The following TLK1 variants were observed in gnomAD, a reference collection of about 807,000 sequenced individuals.
The protein encoded by TLK1 is serine/threonine-protein kinase tousled-like 1.
Under a neutral mutation model 105.3 loss-of-function variants are expected in TLK1, and 24 were observed. The ratio of observed to expected loss-of-function variants is 0.23; its 90% CI spans 0.17 to 0.32. TLK1 has a LOEUF of 0.32. Among genes scored for constraint, TLK1 ranks in the 10% least tolerant of loss-of-function variants. TLK1 has a pLI of 1.00. For missense variants in TLK1, 558 were observed against 910.5 expected (o/e 0.61, Z 4.98); for synonymous variants, 321 against 310.4 (o/e 1.03, Z -0.36).
chr2:171,125,564 G>T (rs1325390370), intron 1 of TLK1, among the ~76,000 whole-genome samples: 1 of 152,080 alleles, frequency 6.6e-6, no homozygotes, highest in Non-Finnish European at 1.5e-5. Flanking sequence ...GAAATTTGTG[G>T]TACACCAAAC....
intron 10 of TLK1, 126 bp downstream of exon 10, chr2:171,049,688 A>C (rs1225383596): frequency 1.7e-6 from 2 of 1,162,292 alleles, no homozygotes; most frequent in East Asian, 5.0e-5. Flanking sequence ...TCCCTTTCAA[A>C]GGTACTAAAT....
chr2:171,055,403 C>T (rs1687453516), intron 6 of TLK1, among the ~76,000 whole-genome samples: 1 of 151,676 alleles, frequency 6.6e-6, no homozygotes, highest in Non-Finnish European at 1.5e-5. Context: ...ACAATATATT[C>T]CCTGCCCTCA....
rs143684570 is a variant in TLK1, at chr2:171,160,841, A to AGGCGGCGGC, written c.-422_-414dup. 1.2e-5 allele frequency: 4 copies of AGGCGGCGGC among 321,740 alleles called. No individual in the cohort carries two copies. In the Admixed American group the frequency reaches 1.5e-4, roughly 12 times the overall value. 19.9% of individuals were successfully genotyped at this position (321,740 alleles called of 1,614,324 possible). ...GCGTCGGCCCCCGGCGTCGCCCGGG[A>AGGCGGCGGC]GGCGGCGGCGGCGGGCTGTGGGTGG... On this transcript the variant is annotated 5_prime_UTR_variant, in exon 1 of 21. Coordinates refer to ENST00000431350, the MANE Select transcript of TLK1 (RefSeq NM_012290.5). This position sits in a 1 kb window ranked among gnomAD's most constrained non-coding sequence, Gnocchi z 4.4.
chr2:171,013,986 C>T (rs17216780), intron 13 of TLK1, among the ~76,000 whole-genome samples: 4,587 of 152,324 alleles, frequency 0.03, 91 homozygotes, highest in Admixed American at 0.049. Flanking sequence ...TCAACATATA[C>T]TATCTATGGC....
At chr2:171,007,541 CGTT>C (rs1320201367) in intron 14 of TLK1, among the ~76,000 whole-genome samples, 1 of 151,866 alleles carries the variant, frequency 6.6e-6, no homozygotes, top group Non-Finnish European at 1.5e-5. Context: ...GAAAAAAACT[CGTT>C]ATTATAAAAC....
At chr2:171,025,840 C>T (rs183468645) in intron 12 of TLK1, among the ~76,000 whole-genome samples, 2 of 152,236 alleles carry the variant, frequency 1.3e-5, no homozygotes, top group East Asian at 1.9e-4. Flanking sequence ...AATTAATACT[C>T]GGTTCTAAGC....
intron 1 of TLK1, among the ~76,000 whole-genome samples, chr2:171,215,566 G>C (rs1453575083): frequency 6.6e-6 from 1 of 152,176 alleles, no homozygotes; most frequent in Non-Finnish European, 1.5e-5. Context: ...ATTTTAAGTT[G>C]AAATCCAAAA....
intron 13 of TLK1, among the ~76,000 whole-genome samples, chr2:171,011,853 T>C (rs1275622205): frequency 1.3e-5 from 2 of 152,210 alleles, no homozygotes; most frequent in African/African-American, 4.8e-5. Context: ...TGATTAAACA[T>C]AATTATAAAC....
chr2:171,214,986 G>A (rs1164916170), intron 1 of TLK1, among the ~76,000 whole-genome samples: 3 of 151,824 alleles, frequency 2.0e-5, no homozygotes, highest in African/African-American at 7.3e-5. Context: ...TGTCTCCCAG[G>A]CTGGTGTATA....
chr2:171,222,474 G>T, intron 1 of TLK1, among the ~76,000 whole-genome samples: 1 of 152,060 alleles, frequency 6.6e-6, no homozygotes, highest in East Asian at 1.9e-4. Flanking sequence ...AGAACCAAAG[G>T]CGCACATCAC....
intron 1 of TLK1, among the ~76,000 whole-genome samples, chr2:171,225,563 G>T (rs1284973930): frequency 6.6e-6 from 1 of 152,088 alleles, no homozygotes; most frequent in Admixed American, 6.5e-5. Context: ...CAGTCTTGTA[G>T]TTCTTTAAAA....
At chr2:171,131,562 A>T (rs13403285) in intron 1 of TLK1, among the ~76,000 whole-genome samples, 59,975 of 152,018 alleles carry the variant, frequency 0.39, 13,347 homozygotes, top group African/African-American at 0.58. Flanking sequence ...GACTTCTTTC[A>T]ATTATTATAT....
At chr2:171,066,394 A>C (rs1204564201) in intron 3 of TLK1, among the ~76,000 whole-genome samples, 1 of 152,184 alleles carries the variant, frequency 6.6e-6, no homozygotes, top group Non-Finnish European at 1.5e-5. Context: ...GTAGAACACC[A>C]GTAAGAAGAA....
At chr2:171,148,559 T>C (rs1357109347) in intron 1 of TLK1, among the ~76,000 whole-genome samples, 1 of 152,086 alleles carries the variant, frequency 6.6e-6, no homozygotes, top group Non-Finnish European at 1.5e-5. Context: ...TGTTTCCATA[T>C]TGCACAGTTT....
chr2:171,144,757 C>T (rs1344872615), intron 1 of TLK1, among the ~76,000 whole-genome samples: 1 of 151,942 alleles, frequency 6.6e-6, no homozygotes, highest in Non-Finnish European at 1.5e-5. Flanking sequence ...TAAGAAAAGG[C>T]TTCTTAAATA....
rs937365906 is a variant in TLK1 at position 171,160,736 on chromosome 2, G to C, written c.-308C>G. On this transcript the variant is annotated 5_prime_UTR_variant, in exon 1 of 21. Transcript: ENST00000431350. The surrounding 1 kb of genome is among the most constrained non-coding windows in gnomAD (Gnocchi z 4.4). ...GCGTCGAGGGGGTGCCAGCCGGGCC[G>C]GGGTCGGAGCGCGGGCGGAGCGCGG... 4 of 448,212 alleles carry C rather than the reference G, an allele frequency of 8.9e-6. No homozygotes were observed. Among genetic ancestry groups the C allele is most frequent in the African/African-American group, 2.1e-5 (1 of 48,632 alleles). The allele number at this position is 448,212 out of a possible 1,614,324, so 27.8% of individuals were successfully genotyped here.
At chr2:171,192,701 AT>A (rs912650287) in intron 1 of TLK1, among the ~76,000 whole-genome samples, 6 of 152,152 alleles carry the variant, frequency 3.9e-5, no homozygotes, top group African/African-American at 1.4e-4. Context: ...AATAAAAAAA[AT>A]AAAGAAGAAG....
chr2:171,031,302 T>C (rs1334157649), intron 11 of TLK1, among the ~76,000 whole-genome samples: 1 of 152,224 alleles, frequency 6.6e-6, no homozygotes, highest in Admixed American at 6.5e-5. Context: ...AAGAAATCTA[T>C]GTATTTAGAT....
intron 2 of TLK1, among the ~76,000 whole-genome samples, chr2:171,102,662 T>C (rs149998008): frequency 1.9e-4 from 29 of 152,346 alleles, no homozygotes; most frequent in African/African-American, 7.0e-4. Context: ...ATATAAAAAT[T>C]TTAACTGCCT....
Sources: allele counts gnomAD v4.1 joint callset (sites outside exome capture counted in the v4.1 genomes callset), GRCh38; gene constraint gnomAD v4.1.1; non-coding constraint Gnocchi (gnomAD v3.1); transcripts MANE v1.5; gene names NCBI Gene and HGNC (gene_info 2026-07-23, HGNC 2026-07-21).